The following RAB27B variants were observed in gnomAD, a reference collection of about 807,000 sequenced individuals.
RAB27B encodes the protein RAB27B, member RAS oncogene family, also known as ras-related protein Rab-27B.
RAB27B carries 15 observed loss-of-function variants against 24.6 expected under a neutral mutation model. The observed-to-expected ratio is 0.61, with a 90% CI of 0.41 to 0.94. RAB27B has a LOEUF of 0.94. RAB27B is among the 40% of genes least tolerant of loss of function. RAB27B has a pLI of 0.00. For synonymous variants in RAB27B, 105 were observed against 92.5 expected (o/e 1.14, Z -0.78); for missense variants, 261 against 266.8 (o/e 0.98, Z 0.15).
chr18:54,753,727 G>A (rs1907911176), intron 2 of RAB27B, among the ~76,000 whole-genome samples: 1 of 152,160 alleles, frequency 6.6e-6, no homozygotes, highest in Admixed American at 6.5e-5. Flanking sequence ...GAAGAAATAA[G>A]AAAGATACCT....
chr18:54,879,524 T>C, intron 3 of RAB27B, 70 bp downstream of exon 3: 1 of 1,254,964 alleles, frequency 8.0e-7, no homozygotes. Flanking sequence ...GAATTCTGTA[T>C]GTGAACTTGA....
chr18:54,778,277 T>C (rs756463024), intron 2 of RAB27B, among the ~76,000 whole-genome samples: 3 of 151,950 alleles, frequency 2.0e-5, no homozygotes, highest in Non-Finnish European at 4.4e-5. Flanking sequence ...TGAATCCCAA[T>C]TTCTCTTTCT....
intron 2 of RAB27B, among the ~76,000 whole-genome samples, chr18:54,816,401 T>G (rs1209694352): frequency 6.6e-6 from 1 of 152,264 alleles, no homozygotes; most frequent in Non-Finnish European, 1.5e-5. Flanking sequence ...AACTTGTATT[T>G]GTAGTATTTT....
intron 2 of RAB27B, among the ~76,000 whole-genome samples, chr18:54,765,934 G>T (rs1908347092): frequency 1.3e-5 from 2 of 152,114 alleles, no homozygotes; most frequent in Admixed American, 1.3e-4. Flanking sequence ...AAATATGTTT[G>T]GGAAATTATG....
chr18:54,839,033 A>G (rs529802946), intron 1 of RAB27B, among the ~76,000 whole-genome samples: 1 of 152,278 alleles, frequency 6.6e-6, no homozygotes, highest in South Asian at 2.1e-4. Context: ...GAAAAAGGAT[A>G]CAAATATTGC....
At chr18:54,870,709 A>T (rs1239607913) in intron 1 of RAB27B, among the ~76,000 whole-genome samples, 1 of 152,224 alleles carries the variant, frequency 6.6e-6, no homozygotes, top group Non-Finnish European at 1.5e-5. Flanking sequence ...TTTCAGACCT[A>T]TCTAATTCTT....
At chr18:54,873,694 T>TGC (rs1228786886) in intron 1 of RAB27B, among the ~76,000 whole-genome samples, 13 of 86,588 alleles carry the variant, frequency 1.5e-4, no homozygotes, top group Admixed American at 1.2e-3. Context: ...CCTGTGTGTG[T>TGC]GTGTGTGTGT....
intron 1 of RAB27B, among the ~76,000 whole-genome samples, chr18:54,835,639 CTT>C (rs1910865308): frequency 6.6e-6 from 1 of 151,926 alleles, no homozygotes; most frequent in Admixed American, 6.6e-5. Flanking sequence ...ATAAAACAGA[CTT>C]AAATAAATAG....
At chr18:54,825,020 A>G (rs1447326575), upstream of RAB27B, among the ~76,000 whole-genome samples, 1 of 152,096 alleles carries the variant, frequency 6.6e-6, no homozygotes, top group African/African-American at 2.4e-5. Flanking sequence ...GGCACACAGG[A>G]TGTATATTTT....
chr18:54,752,226 T>C (rs889515031), intron 2 of RAB27B, among the ~76,000 whole-genome samples: 16 of 152,200 alleles, frequency 1.1e-4, no homozygotes, highest in African/African-American at 3.9e-4. Context: ...ATATGGGCAC[T>C]AACTGTCACA....
At chr18:54,773,543 T>C (rs1355196308) in intron 2 of RAB27B, among the ~76,000 whole-genome samples, 2 of 152,212 alleles carry the variant, frequency 1.3e-5, no homozygotes, top group African/African-American at 4.8e-5. Context: ...AGTCCTATCT[T>C]CCAAGCACAT....
intron 2 of RAB27B, among the ~76,000 whole-genome samples, chr18:54,721,745 A>T (rs1315724224): frequency 6.6e-6 from 1 of 152,192 alleles, no homozygotes; most frequent in Non-Finnish European, 1.5e-5. Flanking sequence ...ATAAACCAGA[A>T]TATATCTGAT....
At position 54,889,142 on chromosome 18, in the gene RAB27B, C is replaced by T; in HGVS notation, c.468-82C>T. 3 of 1,297,706 alleles carry T rather than the reference C, an allele frequency of 2.3e-6. No homozygotes were observed. The South Asian group carries it at 5.5e-5, about 24-fold the overall frequency. 80.4% of individuals were successfully genotyped at this position (1,297,706 alleles called of 1,614,324 possible). On this transcript the variant is annotated intron_variant, in intron 5 of 5. Transcript: ENST00000262094. The stretch of plus-strand genomic sequence containing the variant: ...ACAATCTCTCAGCCAGCCGTTTTTG[C>T]ATGTGTGATTCACTTGTACATCTTG...
intron 1 of RAB27B, among the ~76,000 whole-genome samples, chr18:54,861,011 AT>A (rs1157936440): frequency 6.6e-6 from 1 of 152,224 alleles, no homozygotes; most frequent in Non-Finnish European, 1.5e-5. Context: ...TAAGTGAGAA[AT>A]TTTTAATAAA....
At chr18:54,874,709 T>G (rs529440498) in intron 1 of RAB27B, among the ~76,000 whole-genome samples, 1 of 152,320 alleles carries the variant, frequency 6.6e-6, no homozygotes, top group African/African-American at 2.4e-5. Flanking sequence ...GCTAAAAAAA[T>G]TAAGGCTTTT....
intron 2 of RAB27B, among the ~76,000 whole-genome samples, chr18:54,807,185 C>G (rs1442957770): frequency 1.3e-5 from 2 of 152,210 alleles, no homozygotes; most frequent in Non-Finnish European, 1.5e-5. Context: ...AGGCATGAGC[C>G]ACCGCGCCCG....
chr18:54,788,950 G>GT (rs1340132224), intron 2 of RAB27B, among the ~76,000 whole-genome samples: 2 of 152,198 alleles, frequency 1.3e-5, no homozygotes, highest in Admixed American at 6.5e-5. Context: ...GATTTTCAGT[G>GT]TTTAAGAGGT....
At chr18:54,735,383 T>C (rs1226298619) in intron 2 of RAB27B, among the ~76,000 whole-genome samples, 1 of 152,210 alleles carries the variant, frequency 6.6e-6, no homozygotes, top group Non-Finnish European at 1.5e-5. Flanking sequence ...CTACACTTTC[T>C]GAGGCTACCA....
At chr18:54,781,626 G>C (rs1908920444) in intron 2 of RAB27B, among the ~76,000 whole-genome samples, 1 of 151,910 alleles carries the variant, frequency 6.6e-6, no homozygotes, top group Admixed American at 6.6e-5. Context: ...CATCCATTTT[G>C]GTTCTAGCTC....
Sources: gnomAD v4.1 joint callset for allele counts (sites outside exome capture counted in the v4.1 genomes callset) on GRCh38, gnomAD v4.1.1 for gene constraint, MANE v1.5 for transcripts, NCBI Gene and HGNC (gene_info 2026-07-23, HGNC 2026-07-21) for gene names.